PRKACB: variants seen among roughly 807,000 people sequenced by gnomAD.
PRKACB encodes protein kinase cAMP-activated catalytic subunit beta, also known as cAMP-dependent protein kinase catalytic subunit beta.
PRKACB carries 16 observed loss-of-function variants against 51.4 expected under a neutral mutation model. The observed-to-expected ratio is 0.31, with a 90% CI of 0.21 to 0.47. The LOEUF (loss-of-function observed/expected upper bound fraction) is 0.47. Among genes scored for constraint, PRKACB ranks in the 20% least tolerant of loss-of-function variants. The pLI is 1.00. For missense variants in PRKACB, 309 were observed against 464.5 expected (o/e 0.67, Z 3.08); for synonymous variants, 147 against 154.4 (o/e 0.95, Z 0.35).
chr1:84,095,658 G>A (rs1398396053), intron 1 of PRKACB, among the ~76,000 whole-genome samples: 3 of 151,492 alleles, frequency 2.0e-5, no homozygotes, highest in African/African-American at 4.8e-5. Flanking sequence ...TTAGAATCAT[G>A]GCTCAAAATG....
rs556634657 is a variant in PRKACB at position 84,215,383 on chromosome 1, T to C, written c.1071+1066T>C. On this transcript the variant is annotated intron_variant, in intron 9 of 9. Transcript: ENST00000370685. ...CCAGGGGACAGGGAGATTAGTCAGA[T>C]GGTCGTATAAATAAATGTAAAAGTA... is the stretch of plus-strand genomic sequence containing the variant. 5.9e-5 allele frequency among the ~76,000 whole-genome samples: 9 copies of C among 152,286 alleles called. No homozygotes were observed. In the South Asian group the frequency reaches 1.9e-3, roughly 32 times the overall value.
upstream of PRKACB, chr1:84,144,234 G>C: frequency 1.4e-6 from 2 of 1,470,620 alleles, no homozygotes; most frequent in South Asian, 1.4e-5. Flanking sequence ...CAGAACAGCA[G>C]TAGTGGTTTG....
intron 9 of PRKACB, among the ~76,000 whole-genome samples, chr1:84,229,541 C>T (rs1314642071): frequency 1.4e-5 from 2 of 146,898 alleles, no homozygotes; most frequent in Non-Finnish European, 1.5e-5. Flanking sequence ...AGTTTACAGT[C>T]CCACCAACAG....
chr1:84,154,742 TCAA>T (rs1655250487), intron 1 of PRKACB, among the ~76,000 whole-genome samples: 1 of 152,044 alleles, frequency 6.6e-6, no homozygotes, highest in Non-Finnish European at 1.5e-5. Context: ...CATACACAAA[TCAA>T]CATATGTGAT....
At chr1:84,202,582 A>G in intron 7 of PRKACB, 101 bp from the exon 8 acceptor site, 1 of 1,313,896 alleles carries the variant, frequency 7.6e-7, no homozygotes, top group East Asian at 2.5e-5. Flanking sequence ...TTGCTTTAAA[A>G]AAATTTTTAT....
At chr1:84,234,984 C>G (rs1485685247) in intron 9 of PRKACB, among the ~76,000 whole-genome samples, 196 bp from the exon 10 acceptor site, 1 of 152,186 alleles carries the variant, frequency 6.6e-6, no homozygotes, top group Non-Finnish European at 1.5e-5. Context: ...CTGCATACTT[C>G]CTTGAATCAA....
chr1:84,136,686 T>C (rs1571747527), intron 1 of PRKACB, among the ~76,000 whole-genome samples: 2 of 152,334 alleles, frequency 1.3e-5, no homozygotes, highest in Admixed American at 1.3e-4. Flanking sequence ...TGTAGGTATT[T>C]AACCGATTTA....
Position 84,199,113 on chromosome 1 carries a change from ATG to A in PRKACB, c.783+1290_783+1291del, listed in dbSNP as rs1669256331. 3.7e-5 allele frequency among the ~76,000 whole-genome samples: 5 copies of A among 133,584 alleles called. No individual in the cohort carries two copies. The East Asian group carries it at 1.1e-3, about 28-fold the overall frequency. The allele number at this position is 133,584 out of a possible 152,430, so 87.6% of individuals were successfully genotyped here. On this transcript the variant is annotated intron_variant, in intron 7 of 9. Transcript: ENST00000370685. Reference sequence around the variant, plus strand: ...CGTATATATGCATATATGTATATATATGCATATATATATATATATACACACAC... The same window carrying A: ...CGTATATATGCATATATGTATATATACATATATATATATATATACACACAC...
chr1:84,144,687 A>T, intron 1 of PRKACB, 139 bp downstream of exon 1: 1 of 900,486 alleles, frequency 1.1e-6, no homozygotes, highest in Non-Finnish European at 1.6e-6. Flanking sequence ...TGAAGTTGAA[A>T]GAATTCCATA....
At chr1:84,091,288 A>T (rs1648449953) in intron 1 of PRKACB, among the ~76,000 whole-genome samples, 1 of 152,204 alleles carries the variant, frequency 6.6e-6, no homozygotes. Context: ...CTTTTAGAAT[A>T]TAACATGTTT....
At chr1:84,231,887 AT>A (rs1448093023) in intron 9 of PRKACB, among the ~76,000 whole-genome samples, 2 of 151,430 alleles carry the variant, frequency 1.3e-5, no homozygotes, top group African/African-American at 4.9e-5. Context: ...GGATTCATTA[AT>A]TTTTTGAAGG....
intron 2 of PRKACB, among the ~76,000 whole-genome samples, chr1:84,180,206 A>ATATATATATATATATATATATGTATG (rs1553173784): frequency 7.9e-6 from 1 of 127,148 alleles, no homozygotes; most frequent in African/African-American, 2.8e-5. Context: ...ATATATATAT[A>ATATATATATATATATATATATGTATG]TATGTATGAT....
Position 84,237,610 on chromosome 1 carries a change from A to G in PRKACB, c.*2305A>G, listed in dbSNP as rs975362301. 1 of 152,168 alleles carries G rather than the reference A, an allele frequency of 6.6e-6. No homozygotes were observed. The highest frequency in any genetic ancestry group is 1.5e-5 in the Non-Finnish European group (1 of 67,980). The allele number at this position is 152,168 out of a possible 1,614,324, so 9.4% of individuals were successfully genotyped here. A position where few individuals can be genotyped will look rare whatever the true frequency, so the allele number is the denominator to read the frequency against. ...AAGGGAGTCAATTTCTGACCAATCA[A>G]GTACACTAAATTAGAATATTTTTAA... On this transcript the variant is annotated 3_prime_UTR_variant, in exon 10 of 10. Transcript: ENST00000370685.
At chr1:84,165,712 C>A (rs981711241) in intron 1 of PRKACB, among the ~76,000 whole-genome samples, 1 of 151,708 alleles carries the variant, frequency 6.6e-6, no homozygotes, top group Non-Finnish European at 1.5e-5. Context: ...GTATGTACTG[C>A]AGTTTATCAT....
chr1:84,096,294 T>C (rs939444949), intron 1 of PRKACB, among the ~76,000 whole-genome samples: 2 of 152,116 alleles, frequency 1.3e-5, no homozygotes, highest in African/African-American at 4.8e-5. Context: ...AAATATTTGC[T>C]TAGTTTTCTA....
chr1:84,145,054 A>G (rs977413547), intron 1 of PRKACB, among the ~76,000 whole-genome samples: 1 of 152,254 alleles, frequency 6.6e-6, no homozygotes, highest in Admixed American at 6.5e-5. Context: ...TAATTATTCT[A>G]TCTAAATTCT....
chr1:84,156,091 C>T (rs915794462), intron 1 of PRKACB, among the ~76,000 whole-genome samples: 11 of 152,040 alleles, frequency 7.2e-5, no homozygotes, highest in Admixed American at 5.2e-4. Flanking sequence ...TGGGCTCAAG[C>T]TATTTTCCCA....
chr1:84,176,374 A>G (rs1661264063), intron 1 of PRKACB, among the ~76,000 whole-genome samples: 1 of 151,878 alleles, frequency 6.6e-6, no homozygotes. Flanking sequence ...ACATCCACCA[A>G]TATCTAAACA....
intron 1 of PRKACB, among the ~76,000 whole-genome samples, chr1:84,113,866 T>C (rs1317372732): frequency 6.6e-6 from 1 of 152,174 alleles, no homozygotes; most frequent in Non-Finnish European, 1.5e-5. Flanking sequence ...CAAATGGGAC[T>C]GAGGCTCCTT....
Sources: allele counts gnomAD v4.1 joint callset (sites outside exome capture counted in the v4.1 genomes callset), GRCh38; gene constraint gnomAD v4.1.1; transcripts MANE v1.5; gene names NCBI Gene and HGNC (gene_info 2026-07-23, HGNC 2026-07-21).